The following SLC38A9 variants were observed in gnomAD, a reference collection of about 807,000 sequenced individuals.
SLC38A9 encodes the protein neutral amino acid transporter 9.
SLC38A9 carries 48 observed loss-of-function variants against 62.3 expected under a neutral mutation model. The observed-to-expected ratio is 0.77, with a 90% CI of 0.61 to 0.98. SLC38A9 has a LOEUF of 0.98. Among genes scored for constraint, SLC38A9 ranks in the 50% least tolerant of loss-of-function variants. The pLI is 0.00. For synonymous variants in SLC38A9, 204 were observed against 227.7 expected, an observed-to-expected ratio of 0.90 and a Z score of 0.94; for missense variants, 541 against 679.8, an observed-to-expected ratio of 0.80 and a Z score of 2.27.
At chr5:55,706,086 C>A (rs1478546994) in intron 2 of SLC38A9, among the ~76,000 whole-genome samples, 2 of 152,134 alleles carry the variant, frequency 1.3e-5, no homozygotes, top group East Asian at 3.9e-4. Context: ...ACACATTAAA[C>A]ACCATGAATC....
At chr5:55,689,318 A>G (rs1227863347) in intron 3 of SLC38A9, among the ~76,000 whole-genome samples, 1 of 152,194 alleles carries the variant, frequency 6.6e-6, no homozygotes, top group East Asian at 1.9e-4. Flanking sequence ...GAGACTAAAA[A>G]AAGTATCAGG....
intron 7 of SLC38A9, among the ~76,000 whole-genome samples, chr5:55,667,077 T>C (rs11953162): frequency 0.6 from 90,373 of 151,392 alleles, 27,488 homozygotes; most frequent in South Asian, 0.69. Context: ...CGCCTGTAGT[T>C]CCAGCTACTC....
At chr5:55,644,051 C>G (rs1302018515) in intron 12 of SLC38A9, among the ~76,000 whole-genome samples, 1 of 152,164 alleles carries the variant, frequency 6.6e-6, no homozygotes, top group Non-Finnish European at 1.5e-5. Flanking sequence ...ACCTCCACCC[C>G]TTGGGTTCAA....
chr5:55,675,796 C>T (rs951097534), intron 3 of SLC38A9, among the ~76,000 whole-genome samples: 1 of 151,888 alleles, frequency 6.6e-6, no homozygotes, highest in Non-Finnish European at 1.5e-5. Context: ...AACAGAGAAA[C>T]CTTATTTCTA....
intron 13 of SLC38A9, 122 bp from the exon 14 acceptor site, chr5:55,634,024 G>T (rs1370550675): frequency 1.6e-6 from 1 of 638,268 alleles, no homozygotes; most frequent in Non-Finnish European, 2.6e-6. Context: ...TTGTGGACTA[G>T]TGCCCATCCA....
At chr5:55,702,112 T>A (rs879604661) in intron 2 of SLC38A9, among the ~76,000 whole-genome samples, 2 of 152,230 alleles carry the variant, frequency 1.3e-5, no homozygotes, top group Non-Finnish European at 2.9e-5. Flanking sequence ...ATAAAGTTTT[T>A]GAATTAGAAA....
intron 9 of SLC38A9, among the ~76,000 whole-genome samples, chr5:55,653,791 T>C (rs1350930676): frequency 6.6e-6 from 1 of 152,092 alleles, no homozygotes; most frequent in Non-Finnish European, 1.5e-5. Context: ...CCTGAGTAGC[T>C]AGGATTACAG....
intron 3 of SLC38A9, among the ~76,000 whole-genome samples, chr5:55,677,682 C>A (rs547642738): frequency 6.6e-6 from 1 of 150,692 alleles, no homozygotes; most frequent in South Asian, 2.1e-4. Flanking sequence ...CAGGTGTGCA[C>A]CACCGTGCCC....
intron 12 of SLC38A9, among the ~76,000 whole-genome samples, chr5:55,639,726 A>G (rs968475776): frequency 3.3e-5 from 5 of 152,112 alleles, no homozygotes; most frequent in Non-Finnish European, 5.9e-5. Flanking sequence ...TATAGTACCC[A>G]TTTAGGTTGA....
intron 12 of SLC38A9, among the ~76,000 whole-genome samples, chr5:55,638,304 T>G (rs1407595968): frequency 6.6e-6 from 1 of 152,198 alleles, no homozygotes; most frequent in Non-Finnish European, 1.5e-5. Flanking sequence ...TATAGCCTAT[T>G]TAATGGAATA....
intron 3 of SLC38A9, among the ~76,000 whole-genome samples, chr5:55,676,147 G>A (rs1158914936): frequency 6.6e-6 from 1 of 152,108 alleles, no homozygotes. Context: ...TTGCTTGGAT[G>A]GGTGTTGGCT....
At chr5:55,653,402 T>C (rs1747879894) in intron 9 of SLC38A9, among the ~76,000 whole-genome samples, 1 of 152,132 alleles carries the variant, frequency 6.6e-6, no homozygotes. Context: ...AAAAATATCA[T>C]TTAGGGTGAC....
intron 7 of SLC38A9, among the ~76,000 whole-genome samples, chr5:55,668,855 T>A (rs1037713696): frequency 1.3e-5 from 2 of 152,248 alleles, no homozygotes; most frequent in African/African-American, 4.8e-5. Flanking sequence ...TTTAGCAGAT[T>A]CTAACATTTA....
At chr5:55,686,137 T>C (rs560177609) in intron 3 of SLC38A9, among the ~76,000 whole-genome samples, 4 of 152,194 alleles carry the variant, frequency 2.6e-5, no homozygotes, top group Non-Finnish European at 4.4e-5. Flanking sequence ...TTTGGGTATA[T>C]ACCCAGTAAT....
chr5:55,679,043 A>G (rs1752632926), intron 3 of SLC38A9, among the ~76,000 whole-genome samples: 1 of 152,172 alleles, frequency 6.6e-6, no homozygotes, highest in Non-Finnish European at 1.5e-5. Context: ...AGTGAAAACA[A>G]AAAATTGACT....
In SLC38A9 at chr5:55,664,956, C is replaced by T. The variant is rs182342700; in HGVS notation, c.527-93G>A. On this transcript the variant is annotated intron_variant, in intron 7 of 15. Transcript: ENST00000396865. ...CCCCAAATAAACTCAAAATATTTGG[C>T]GAAAGATTATGGGTATTCTATCGCT... 657 of 776,988 alleles carry T rather than the reference C, an allele frequency of 8.5e-4. 1 individual carries two copies. Among genetic ancestry groups the T allele is most frequent in the African/African-American group, 5.9e-3 (330 of 55,646 alleles). 48.1% of individuals were successfully genotyped at this position (776,988 alleles called of 1,614,324 possible).
chr5:55,699,890 T>G, intron 2 of SLC38A9, among the ~76,000 whole-genome samples: 1 of 151,952 alleles, frequency 6.6e-6, no homozygotes. Flanking sequence ...ACATGAAGGA[T>G]AGAATGAGAT....
chr5:55,630,575 C>A (rs981164018), intron 14 of SLC38A9, among the ~76,000 whole-genome samples: 1 of 152,106 alleles, frequency 6.6e-6, no homozygotes, highest in Admixed American at 6.5e-5. Context: ...CTTGGCCTCC[C>A]AAAGTGCTGG....
intron 11 of SLC38A9, among the ~76,000 whole-genome samples, chr5:55,646,763 C>A (rs1746431179): frequency 6.6e-6 from 1 of 151,706 alleles, no homozygotes; most frequent in African/African-American, 2.4e-5. Context: ...TTGTTTTATT[C>A]TTTTTGAGAT....
Sources: gnomAD v4.1 joint callset for allele counts (sites outside exome capture counted in the v4.1 genomes callset) on GRCh38, gnomAD v4.1.1 for gene constraint, MANE v1.5 for transcripts, NCBI Gene and HGNC (gene_info 2026-07-23, HGNC 2026-07-21) for gene names.